NOL4L: variants seen among roughly 807,000 people sequenced by gnomAD.
NOL4L encodes nucleolar protein 4 like, also known as nucleolar protein 4-like.
A neutral mutation model predicts 64.5 loss-of-function variants in NOL4L; 7 were observed. That is an observed-to-expected ratio of 0.11 (90% CI 0.06 to 0.20). NOL4L has a LOEUF of 0.20. NOL4L is among the 10% of genes least tolerant of loss of function. The probability of loss-of-function intolerance (pLI) is 1.00; values close to 1 mark genes in which losing one functional copy is unlikely to be tolerated. For synonymous variants in NOL4L, 413 were observed against 401.0 expected (o/e 1.03, Z -0.36); for missense variants, 680 against 967.1 (o/e 0.70, Z 3.94).
chr20:32,568,065 CATCACCATT>C (rs1354933627), intron 1 of NOL4L, among the ~76,000 whole-genome samples: 1 of 152,074 alleles, frequency 6.6e-6, no homozygotes, highest in Non-Finnish European at 1.5e-5. Flanking sequence ...TCATCACCAT[CATCACCATT>C]AATACCACTA....
At position 32,453,019 on chromosome 20, in the gene NOL4L, C is replaced by T. The variant is rs767446058; in HGVS notation, c.1498-13G>A. 80 of 1,612,326 alleles carry T rather than the reference C, an allele frequency of 5.0e-5. No individual in the cohort carries two copies. Among genetic ancestry groups the T allele is most frequent in the Non-Finnish European group, 5.9e-5 (70 of 1,179,980 alleles). Reference sequence around the variant, plus strand: ...GCGTGGGTCTGGTCTGCAGGCAGAACGGGGATGGAGCTAGCATGGGGCCCG... The same window carrying T: ...GCGTGGGTCTGGTCTGCAGGCAGAATGGGGATGGAGCTAGCATGGGGCCCG... On this transcript the variant is annotated splice_polypyrimidine_tract_variant and intron_variant, in intron 8 of 10. Coordinates refer to ENST00000621426, the MANE Select transcript of NOL4L (RefSeq NM_001256798.2). This position sits in a 1 kb window ranked among gnomAD's most constrained non-coding sequence, Gnocchi z 5.6.
chr20:32,551,873 T>G (rs984036151), intron 1 of NOL4L, among the ~76,000 whole-genome samples: 28 of 152,246 alleles, frequency 1.8e-4, no homozygotes, highest in Admixed American at 5.2e-4. Context: ...CCTGCAGCCT[T>G]GAACTCCTGG....
At chr20:32,537,809 T>G (rs1272122518) in intron 1 of NOL4L, among the ~76,000 whole-genome samples, 3 of 151,518 alleles carry the variant, frequency 2.0e-5, no homozygotes, top group African/African-American at 7.3e-5. Context: ...GACGGAATCT[T>G]GCTCTGTAGC....
At chr20:32,449,401 G>C (rs1056179482) in intron 10 of NOL4L, among the ~76,000 whole-genome samples, 1 of 152,250 alleles carries the variant, frequency 6.6e-6, no homozygotes, top group African/African-American at 2.4e-5. Flanking sequence ...ATCCAGACTG[G>C]AAGTAACATC....
chr20:32,478,273 A>ACACACTCTCT (rs1373957221), intron 4 of NOL4L, among the ~76,000 whole-genome samples: 9 of 143,332 alleles, frequency 6.3e-5, no homozygotes, highest in African/African-American at 2.4e-4. Context: ...ACACACACAC[A>ACACACTCTCT]CTCTCTCTCT....
chr20:32,453,865 C>G lies in NOL4L; in HGVS notation c.1120-104G>C, dbSNP rs957084737. On this transcript the variant is annotated intron_variant, in intron 6 of 10. Coordinates refer to ENST00000621426, the MANE Select transcript of NOL4L (RefSeq NM_001256798.2). This position sits in a 1 kb window ranked among gnomAD's most constrained non-coding sequence, Gnocchi z 5.6. The stretch of plus-strand genomic sequence containing the variant: ...TTGGGGACCAGGGTGGCACGCATGC[C>G]CTGCTGCCACGAGAGCCATAGCTGC... 1.4e-5 allele frequency: 15 copies of G among 1,043,990 alleles called. No homozygotes were observed. The African/African-American group carries it at 2.2e-4, about 16-fold the overall frequency. The allele number at this position is 1,043,990 out of a possible 1,614,324, so 64.7% of individuals were successfully genotyped here. A position where few individuals can be genotyped will look rare whatever the true frequency, so the allele number is the denominator to read the frequency against.
Position 32,514,352 on chromosome 20 carries a change from C to T in NOL4L, c.590-2896G>A, listed in dbSNP as rs541914887. ...CCTAAAAATTCAAGAATTAGCTGGG[C>T]ATGGTGGCGCATGCCTGTAATCCCA... On this transcript the variant is annotated intron_variant, in intron 3 of 10. Transcript: ENST00000621426. Among the ~76,000 whole-genome samples, 4 of 152,166 alleles carry T rather than the reference C, an allele frequency of 2.6e-5. No homozygotes were observed. In the South Asian group the frequency reaches 6.2e-4, roughly 24 times the overall value.
At chr20:32,548,974 C>A in intron 1 of NOL4L, 1 of 231,924 alleles carries the variant, frequency 4.3e-6, no homozygotes. Flanking sequence ...GGAAAAACAA[C>A]CTGAAGAATG....
At chr20:32,513,709 A>G (rs1254951141) in intron 3 of NOL4L, among the ~76,000 whole-genome samples, 1 of 152,118 alleles carries the variant, frequency 6.6e-6, no homozygotes, top group Non-Finnish European at 1.5e-5. Context: ...ACTAAAAGGT[A>G]AAAATGTTAG....
At chr20:32,455,963 C>G (rs2013460361) in intron 6 of NOL4L, among the ~76,000 whole-genome samples, 155 bp downstream of exon 6, 1 of 152,176 alleles carries the variant, frequency 6.6e-6, no homozygotes, top group South Asian at 2.1e-4. Context: ...AGAGCTTCAC[C>G]AGGAACCGAA....
At chr20:32,516,464 G>A (rs768394398) in intron 3 of NOL4L, among the ~76,000 whole-genome samples, 26 of 152,114 alleles carry the variant, frequency 1.7e-4, no homozygotes, top group Non-Finnish European at 3.5e-4. Flanking sequence ...GGCCATTAGG[G>A]TCACTGGAGG....
intron 4 of NOL4L, chr20:32,475,207 T>A: frequency 3.0e-6 from 3 of 985,458 alleles, no homozygotes; most frequent in Non-Finnish European, 2.4e-6. Flanking sequence ...CCTGGCGCCC[T>A]GACTCCCATG....
chr20:32,449,343 T>A (rs918297405), intron 10 of NOL4L, among the ~76,000 whole-genome samples: 3 of 152,216 alleles, frequency 2.0e-5, no homozygotes, highest in Non-Finnish European at 4.4e-5. Flanking sequence ...CCATGGCAGT[T>A]TTTATGCTGC....
At chr20:32,568,124 C>T (rs544103784) in intron 1 of NOL4L, among the ~76,000 whole-genome samples, 5 of 151,942 alleles carry the variant, frequency 3.3e-5, no homozygotes, top group Admixed American at 6.6e-5. Flanking sequence ...ATCATCATGA[C>T]GGCCATCACC....
At chr20:32,507,805 C>T (rs549307952) in intron 4 of NOL4L, among the ~76,000 whole-genome samples, 6 of 152,110 alleles carry the variant, frequency 3.9e-5, no homozygotes, top group African/African-American at 1.2e-4. Context: ...GTCAGGAGTT[C>T]GAGATCAGCC....
intron 5 of NOL4L, 49 bp downstream of exon 5, chr20:32,474,552 C>G (rs767776126): frequency 1.1e-5 from 17 of 1,573,832 alleles, no homozygotes; most frequent in Non-Finnish European, 1.5e-5. Flanking sequence ...CAACTGGGAG[C>G]AGGGGGCCGG....
rs534460912 is a variant in NOL4L, at chr20:32,470,705, G to A, written c.841+3896C>T. Among the ~76,000 whole-genome samples, 4 of 152,380 alleles carry A rather than the reference G, an allele frequency of 2.6e-5. No homozygotes were observed. In the East Asian group the frequency reaches 7.7e-4, roughly 29 times the overall value. ...TGGCCGAGGGTCTTTAGGGGACCTG[G>A]CCCGTGCCTGGGCAGGAAACTGTGG... On this transcript the variant is annotated intron_variant, in intron 5 of 10. Coordinates refer to ENST00000621426, the MANE Select transcript of NOL4L (RefSeq NM_001256798.2).
intron 4 of NOL4L, among the ~76,000 whole-genome samples, chr20:32,494,686 G>A (rs1388603160): frequency 1.3e-5 from 2 of 152,076 alleles, no homozygotes; most frequent in East Asian, 3.9e-4. Context: ...CCTTACAACT[G>A]GGAACCACGT....
intron 1 of NOL4L, among the ~76,000 whole-genome samples, chr20:32,546,783 A>T (rs1472398734): frequency 6.6e-6 from 1 of 152,218 alleles, no homozygotes; most frequent in Non-Finnish European, 1.5e-5. Flanking sequence ...TAGGTGGGAC[A>T]CAGGAGAGAG....
Sources: gnomAD v4.1 joint callset for allele counts (sites outside exome capture counted in the v4.1 genomes callset) on GRCh38, gnomAD v4.1.1 for gene constraint, Gnocchi (gnomAD v3.1) non-coding constraint, MANE v1.5 for transcripts, NCBI Gene and HGNC (gene_info 2026-07-23, HGNC 2026-07-21) for gene names.